HMG20A: variants seen among roughly 807,000 people sequenced by gnomAD.
HMG20A encodes high mobility group 20A, also known as high mobility group protein 20A.
In HMG20A, 17 loss-of-function variants were observed where a neutral mutation model predicts 43.9. That is an observed-to-expected ratio of 0.39 (90% CI 0.27 to 0.58). The LOEUF (loss-of-function observed/expected upper bound fraction) is 0.58. Among genes scored for constraint, HMG20A ranks in the 20% least tolerant of loss-of-function variants. HMG20A has a pLI of 0.59. For missense variants in HMG20A, 341 were observed against 438.2 expected, an observed-to-expected ratio of 0.78 and a Z score of 1.98; for synonymous variants, 132 against 147.5, an observed-to-expected ratio of 0.89 and a Z score of 0.76.
intron 1 of HMG20A, among the ~76,000 whole-genome samples, chr15:77,430,486 C>A (rs1479621977): frequency 6.6e-6 from 1 of 152,206 alleles, no homozygotes; most frequent in Non-Finnish European, 1.5e-5. Flanking sequence ...ACCATAGAAC[C>A]AAAGGAGCTT....
intron 1 of HMG20A, among the ~76,000 whole-genome samples, chr15:77,453,855 TATC>T (rs1406109558): frequency 1.3e-5 from 2 of 152,012 alleles, no homozygotes; most frequent in African/African-American, 4.8e-5. Context: ...TTATATGAAA[TATC>T]AGAATAGGTA....
At chr15:77,495,129 C>G in the HMG20A span, among the ~76,000 whole-genome samples, 1 of 152,194 alleles carries the variant, frequency 6.6e-6, no homozygotes, top group African/African-American at 2.4e-5. Context: ...CTGTTGCAGG[C>G]AAACCTTAAA....
At chr15:77,517,662 A>G in the HMG20A span, among the ~76,000 whole-genome samples, 1 of 151,874 alleles carries the variant, frequency 6.6e-6, no homozygotes, top group Non-Finnish European at 1.5e-5. Context: ...ACCTTTAGCC[A>G]GGAACATCCA....
chr15:77,479,105 G>A, intron 8 of HMG20A, 74 bp from the exon 9 acceptor site: 2 of 1,431,668 alleles, frequency 1.4e-6, no homozygotes, highest in South Asian at 1.2e-5. Flanking sequence ...TAGAATCACT[G>A]TTTCTTTGAA....
chr15:77,473,101 A>G (rs2072824842), intron 6 of HMG20A, among the ~76,000 whole-genome samples: 1 of 152,244 alleles, frequency 6.6e-6, no homozygotes, highest in Admixed American at 6.5e-5. Context: ...ACCTTAAAAC[A>G]TAGAGAAAAG....
chr15:77,454,666 C>T (rs1567399167), intron 1 of HMG20A, among the ~76,000 whole-genome samples: 1 of 152,102 alleles, frequency 6.6e-6, no homozygotes, highest in African/African-American at 2.4e-5. Flanking sequence ...AGTTGATCTA[C>T]TTCTAGTGTA....
chr15:77,461,345 A>G (rs2072703087), intron 2 of HMG20A, among the ~76,000 whole-genome samples: 2 of 152,230 alleles, frequency 1.3e-5, no homozygotes, highest in African/African-American at 2.4e-5. Context: ...TGGGACCTTA[A>G]CTGGAAGTGG....
the HMG20A span, among the ~76,000 whole-genome samples, chr15:77,492,478 G>A: frequency 6.6e-6 from 1 of 152,252 alleles, no homozygotes; most frequent in East Asian, 1.9e-4. Context: ...ATTCAAGGCA[G>A]TATGGAGATA....
intron 1 of HMG20A, among the ~76,000 whole-genome samples, chr15:77,424,804 T>C (rs1160217718): frequency 6.6e-6 from 1 of 152,210 alleles, no homozygotes; most frequent in African/African-American, 2.4e-5. Context: ...AATCTTAATC[T>C]TGGCACAAAT....
chr15:77,455,388 A>G (rs2072644600), intron 1 of HMG20A, among the ~76,000 whole-genome samples: 1 of 151,204 alleles, frequency 6.6e-6, no homozygotes, highest in Non-Finnish European at 1.5e-5. Context: ...CTTTATAATC[A>G]TCATTAAAAT....
At chr15:77,491,550 T>C in the HMG20A span, among the ~76,000 whole-genome samples, 5 of 152,208 alleles carry the variant, frequency 3.3e-5, no homozygotes, top group African/African-American at 9.6e-5. Context: ...GGGTGTAAAG[T>C]TGAGGAAGTC....
chr15:77,442,917 T>C (rs1219454953), intron 1 of HMG20A, among the ~76,000 whole-genome samples: 1 of 152,180 alleles, frequency 6.6e-6, no homozygotes, highest in Admixed American at 6.5e-5. Flanking sequence ...TTGATGGCAC[T>C]TTTCCTCTTT....
At chr15:77,491,306 A>G in the HMG20A span, among the ~76,000 whole-genome samples, 2 of 152,240 alleles carry the variant, frequency 1.3e-5, no homozygotes, top group African/African-American at 4.8e-5. Context: ...ATCTTCAAGG[A>G]TAGAAGTCAA....
chr15:77,443,379 G>GATGATGATGATGATGATT (rs576920554), intron 1 of HMG20A, among the ~76,000 whole-genome samples: 6 of 131,332 alleles, frequency 4.6e-5, no homozygotes, highest in African/African-American at 1.1e-4. Context: ...TGATGATGAT[G>GATGATGATGATGATGATT]ATTATTATTA....
chr15:77,483,202 A>G lies in HMG20A; in HGVS notation c.*239A>G, dbSNP rs1331985588. ...TGTGAAGCTTTGAAGGTGTACAGCC[A>G]CTCTCCCGGGTCTTCAGGTTCCTAC... is the stretch of plus-strand genomic sequence containing the variant. On this transcript the variant is annotated 3_prime_UTR_variant, in exon 10 of 10. Coordinates refer to ENST00000336216, the MANE Select transcript of HMG20A (RefSeq NM_001304504.2). 2 of 151,998 alleles carry G rather than the reference A, an allele frequency of 1.3e-5. No individual in the cohort carries two copies. Among genetic ancestry groups the G allele is most frequent in the Non-Finnish European group, 2.9e-5 (2 of 68,014 alleles). 9.4% of individuals were successfully genotyped at this position (151,998 alleles called of 1,614,324 possible). A position where few individuals can be genotyped will look rare whatever the true frequency, so the allele number is the denominator to read the frequency against.
chr15:77,482,092 G>T (rs1359505181), intron 9 of HMG20A: 1 of 152,174 alleles, frequency 6.6e-6, no homozygotes, highest in Non-Finnish European at 1.5e-5. Flanking sequence ...GATGAGTACA[G>T]AATCCAAGAC....
chr15:77,499,417 C>T, the HMG20A span, among the ~76,000 whole-genome samples: 1 of 152,242 alleles, frequency 6.6e-6, no homozygotes, highest in East Asian at 1.9e-4. Flanking sequence ...TACCTGTCAG[C>T]TCAGTTAAAA....
rs1362979316 is a variant in HMG20A at position 77,457,782 on chromosome 15, C to CA, written c.-4-621dup. Among the ~76,000 whole-genome samples, 7 of 152,314 alleles carry CA rather than the reference C, an allele frequency of 4.6e-5. No individual in the cohort carries two copies. In the South Asian group the frequency reaches 1.5e-3, roughly 32 times the overall value. On this transcript the variant is annotated intron_variant, in intron 1 of 9. Transcript: ENST00000336216. ...TTTCTTTGACTGAGAGCCACATCAG[C>CA]ATGCCTTCCATCCTCTACTTCCTTT...
downstream of HMG20A, among the ~76,000 whole-genome samples, chr15:77,488,559 C>T (rs1156315961): frequency 1.3e-5 from 2 of 151,950 alleles, no homozygotes; most frequent in African/African-American, 4.8e-5. Context: ...GGTGGGGGAT[C>T]AGTATCTTAA....
Sources: gnomAD v4.1 joint callset for allele counts (sites outside exome capture counted in the v4.1 genomes callset) on GRCh38, gnomAD v4.1.1 for gene constraint, MANE v1.5 for transcripts, NCBI Gene and HGNC (gene_info 2026-07-23, HGNC 2026-07-21) for gene names.